Variants in BST1 observed in about 807,000 individuals in gnomAD.
BST1 encodes bone marrow stromal cell antigen 1.
BST1 carries 49 observed loss-of-function variants against 40.6 expected under a neutral mutation model. The observed-to-expected ratio is 1.21, with a 90% CI of 0.96 to 1.53. The LOEUF is 1.53. Ranked by LOEUF, BST1 falls within the 40% of genes most tolerant of loss-of-function variation. BST1 has a pLI of 0.00. For synonymous variants in BST1, 157 were observed against 159.3 expected (o/e 0.99, Z 0.11); for missense variants, 423 against 395.9 (o/e 1.07, Z -0.58).
chr4:15,733,717 G>C (rs1156616416), downstream of BST1, among the ~76,000 whole-genome samples: 1 of 152,158 alleles, frequency 6.6e-6, no homozygotes, highest in East Asian at 1.9e-4. Context: ...CAAACCACCA[G>C]ATCTCGTGAG....
chr4:15,752,064 A>G, the BST1 span, among the ~76,000 whole-genome samples: 9,271 of 152,290 alleles, frequency 0.061, 398 homozygotes, highest in East Asian at 0.16. Flanking sequence ...AGAGAGGTGT[A>G]TGATCAGATT....
the BST1 span, among the ~76,000 whole-genome samples, chr4:15,754,729 A>T: frequency 6.6e-6 from 1 of 152,116 alleles, no homozygotes; most frequent in African/African-American, 2.4e-5. Context: ...ACATTTGGTG[A>T]TTTTTATGTT....
chr4:15,749,994 C>A, the BST1 span, among the ~76,000 whole-genome samples: 8 of 150,194 alleles, frequency 5.3e-5, no homozygotes, highest in African/African-American at 1.7e-4. Context: ...CCCCTCACTA[C>A]CCTTCCCAGC....
the BST1 span, among the ~76,000 whole-genome samples, chr4:15,769,466 C>CT: frequency 3.3e-5 from 5 of 152,142 alleles, no homozygotes; most frequent in African/African-American, 1.2e-4. Flanking sequence ...AAATTGGCTG[C>CT]TTTTTGCTTG....
chr4:15,767,344 AC>A, the BST1 span, among the ~76,000 whole-genome samples: 1 of 151,422 alleles, frequency 6.6e-6, no homozygotes, highest in Non-Finnish European at 1.5e-5. Context: ...TTGCTCTGTC[AC>A]CAGGCTGGAG....
chr4:15,704,642 G>A (rs1719778055), intron 1 of BST1, among the ~76,000 whole-genome samples: 1 of 152,016 alleles, frequency 6.6e-6, no homozygotes, highest in African/African-American at 2.4e-5. Flanking sequence ...AGAAGTGAGG[G>A]TGGGGTAGAG....
downstream of BST1, among the ~76,000 whole-genome samples, chr4:15,735,311 T>A (rs896044468): frequency 6.6e-6 from 1 of 152,244 alleles, no homozygotes; most frequent in African/African-American, 2.4e-5. Flanking sequence ...ACCCTGGGAC[T>A]GTGGCTTCTT....
At chr4:15,773,821 C>A in the BST1 span, among the ~76,000 whole-genome samples, 418 of 141,392 alleles carry the variant, frequency 3.0e-3, 3 homozygotes, top group African/African-American at 0.013. Context: ...AAAACAAAAA[C>A]AAACAAACAA....
chr4:15,755,456 A>C, the BST1 span, among the ~76,000 whole-genome samples: 1 of 152,178 alleles, frequency 6.6e-6, no homozygotes, highest in South Asian at 2.1e-4. Flanking sequence ...CTTATAAACA[A>C]TGCTGCAATG....
the BST1 span, among the ~76,000 whole-genome samples, chr4:15,748,427 A>T: frequency 0.033 from 5,027 of 151,414 alleles, 282 homozygotes; most frequent in African/African-American, 0.12. Context: ...GGAGAAAGCG[A>T]CTCCTGCCAA....
chr4:15,761,014 T>C, the BST1 span, among the ~76,000 whole-genome samples: 1 of 151,886 alleles, frequency 6.6e-6, no homozygotes, highest in Non-Finnish European at 1.5e-5. Flanking sequence ...TTAAACATTA[T>C]GTATGGCATA....
At chr4:15,753,716 A>G in the BST1 span, among the ~76,000 whole-genome samples, 1 of 152,216 alleles carries the variant, frequency 6.6e-6, no homozygotes, top group African/African-American at 2.4e-5. Flanking sequence ...GAGAGTCCAA[A>G]TCGGTCAGGG....
intron 1 of BST1, chr4:15,704,888 G>C: frequency 1.3e-6 from 1 of 757,890 alleles, no homozygotes; most frequent in Admixed American, 1.8e-5. Context: ...TGTCTTTCTT[G>C]TGCTGATCAT....
chr4:15,764,878 G>GTGTGTGTGTGTGTGTGTC, the BST1 span, among the ~76,000 whole-genome samples: 1 of 149,276 alleles, frequency 6.7e-6, no homozygotes, highest in Non-Finnish European at 1.5e-5. Context: ...GGTGAGGTGT[G>GTGTGTGTGTGTGTGTGTC]TGTGTGTGTG....
chr4:15,761,018 T>C, the BST1 span, among the ~76,000 whole-genome samples: 1 of 151,876 alleles, frequency 6.6e-6, no homozygotes, highest in Non-Finnish European at 1.5e-5. Context: ...ACATTATGTA[T>C]GGCATATAGT....
chr4:15,739,476 G>C (rs1320196495), downstream of BST1, among the ~76,000 whole-genome samples: 1 of 151,644 alleles, frequency 6.6e-6, no homozygotes, highest in Non-Finnish European at 1.5e-5. Flanking sequence ...GCTATTAAAG[G>C]GTAGCTGTCA....
chr4:15,752,579 G>A, the BST1 span, among the ~76,000 whole-genome samples: 2 of 151,754 alleles, frequency 1.3e-5, no homozygotes, highest in African/African-American at 4.8e-5. Context: ...GTAGAGACAC[G>A]GTTTCTCCAT....
intron 8 of BST1, among the ~76,000 whole-genome samples, chr4:15,725,852 C>T (rs1157850206): frequency 6.6e-6 from 1 of 151,836 alleles, no homozygotes; most frequent in Non-Finnish European, 1.5e-5. Context: ...TAGCCTCCAT[C>T]TCACAACTGT....
the BST1 span, among the ~76,000 whole-genome samples, chr4:15,749,185 G>T: frequency 6.6e-6 from 1 of 152,186 alleles, no homozygotes; most frequent in African/African-American, 2.4e-5. Flanking sequence ...ACACTTCCAG[G>T]CTGCCCCGTG....
Sources: gnomAD v4.1 joint callset for allele counts (sites outside exome capture counted in the v4.1 genomes callset) on GRCh38, gnomAD v4.1.1 for gene constraint, MANE v1.5 for transcripts, NCBI Gene and HGNC (gene_info 2026-07-23, HGNC 2026-07-21) for gene names.